Variants in PHIP observed in about 807,000 individuals in gnomAD.
The protein encoded by PHIP is PHIP subunit of CUL4-Ring ligase complex.
A neutral mutation model predicts 236.8 loss-of-function variants in PHIP; 54 were observed. The observed-to-expected ratio is 0.23, with a 90% CI of 0.18 to 0.29. The LOEUF is 0.29. Among genes scored for constraint, PHIP ranks in the 10% least tolerant of loss-of-function variants. The probability of loss-of-function intolerance (pLI) is 1.00; values close to 1 mark genes in which losing one functional copy is unlikely to be tolerated. For missense variants in PHIP, 1,370 were observed against 2,190.8 expected (o/e 0.63, Z 7.48); for synonymous variants, 756 against 718.9 (o/e 1.05, Z -0.83).
At chr6:79,028,307 C>G (rs558380263) in intron 7 of PHIP, among the ~76,000 whole-genome samples, 2 of 152,206 alleles carry the variant, frequency 1.3e-5, no homozygotes, top group East Asian at 3.9e-4. Flanking sequence ...TAAAGATCAT[C>G]CTGGCATCAG....
Position 78,998,239 on chromosome 6 carries a change from A to G in PHIP, c.2017+15T>C. ...AATTTTTAAATATTTCACTTAAAAT[A>G]GAATACCTGCTTACCTCTACTTAAA... On this transcript the variant is annotated intron_variant, in intron 18 of 39. Transcript: ENST00000275034. 1.3e-6 allele frequency: 2 copies of G among 1,598,608 alleles called. No individual in the cohort carries two copies. The highest frequency in any genetic ancestry group is 2.2e-5 in the South Asian group (2 of 90,598).
intron 31 of PHIP, among the ~76,000 whole-genome samples, chr6:78,959,493 G>A (rs1344206352): frequency 1.3e-5 from 2 of 152,152 alleles, no homozygotes; most frequent in East Asian, 3.9e-4. Context: ...GACAGTAATA[G>A]TTTAACAAGA....
In PHIP at chr6:78,998,319, T is replaced by C; in HGVS notation, c.1952A>G (p.Gln651Arg). 1 of 1,613,390 alleles carries C rather than the reference T, an allele frequency of 6.2e-7. No homozygotes were observed. The highest frequency in any genetic ancestry group is 8.5e-7 in the Non-Finnish European group (1 of 1,179,356). The change falls in exon 18 of 40, where the codon CAA becomes CGA. Residue 651 changes from glutamine to arginine, a missense_variant. By Grantham distance (43) the Gln-to-Arg change is conservative. Around this residue, in one of 14 missense-constraint regions of PHIP, gnomAD observed 133 missense variants for 245.2 expected, o/e 0.54. Transcript: ENST00000275034. The stretch of plus-strand genomic sequence containing the variant: ...AGAACGTCTCAGGTCTTGCTCCTGT[T>C]GTAGTCTTTGAATCATGCTGTCCAG... ...SPLDSMIQRL[Q>R]QEQDLRRSGE...
intron 24 of PHIP, among the ~76,000 whole-genome samples, chr6:78,974,400 AC>A (rs1247808103): frequency 6.6e-6 from 1 of 151,952 alleles, no homozygotes. Flanking sequence ...AATTTATAGC[AC>A]TAAATGCCCA....
At chr6:79,052,380 T>C (rs1358840243) in intron 6 of PHIP, among the ~76,000 whole-genome samples, 2 of 151,816 alleles carry the variant, frequency 1.3e-5, no homozygotes, top group Non-Finnish European at 2.9e-5. Context: ...GCACACAGAG[T>C]AGAGAAAGGG....
intron 23 of PHIP, among the ~76,000 whole-genome samples, chr6:78,979,173 T>C (rs1044433891): frequency 6.6e-6 from 1 of 152,100 alleles, no homozygotes; most frequent in Admixed American, 6.6e-5. Flanking sequence ...GAGAGATGAC[T>C]ATCCTTTAAG....
At chr6:78,988,116 C>T (rs1582174720) in intron 21 of PHIP, 93 bp downstream of exon 21, 11 of 930,468 alleles carry the variant, frequency 1.2e-5, no homozygotes, top group African/African-American at 3.4e-5. Context: ...TAAGCTACAT[C>T]TACAAACATA....
chr6:78,978,317 G>A (rs893637931), intron 24 of PHIP, among the ~76,000 whole-genome samples: 1 of 151,804 alleles, frequency 6.6e-6, no homozygotes, highest in Non-Finnish European at 1.5e-5. Context: ...AAAAGAAAAA[G>A]AAAGCTGGCA....
intron 15 of PHIP, among the ~76,000 whole-genome samples, chr6:79,009,460 T>C (rs1770462604): frequency 6.6e-6 from 1 of 152,068 alleles, no homozygotes; most frequent in South Asian, 2.1e-4. Context: ...CATCTTAAGA[T>C]ACAGCAACTG....
At chr6:78,987,658 T>C (rs1201986298) in intron 21 of PHIP, among the ~76,000 whole-genome samples, 1 of 152,106 alleles carries the variant, frequency 6.6e-6, no homozygotes, top group Non-Finnish European at 1.5e-5. Context: ...CTTAATAAGA[T>C]TGGTTTATGA....
intron 35 of PHIP, among the ~76,000 whole-genome samples, chr6:78,949,022 T>C (rs957168045): frequency 6.6e-6 from 1 of 152,200 alleles, no homozygotes; most frequent in South Asian, 2.1e-4. Flanking sequence ...CAGTACTACA[T>C]TGAATAGCAG....
rs1335729992 is a variant in PHIP at position 78,962,127 on chromosome 6, A to G, written c.3536-317T>C. Among the ~76,000 whole-genome samples the G allele has an allele frequency of 3.3e-5, 5 of 152,150 alleles. No homozygotes were observed. The South Asian group carries it at 6.2e-4, about 19-fold the overall frequency. ...TTGACAGTTGGCCATTCCTGAATCT[A>G]TATTTGGCAAAGCCATTCTATTATT... On this transcript the variant is annotated intron_variant, in intron 30 of 39. Coordinates refer to ENST00000275034, the MANE Select transcript of PHIP (RefSeq NM_017934.7).
At chr6:78,957,153 A>G (rs1285641850) in intron 32 of PHIP, 1 of 152,088 alleles carries the variant, frequency 6.6e-6, no homozygotes, top group Non-Finnish European at 1.5e-5. Context: ...ATTTCAAAGT[A>G]GCCGTTTGAA....
chr6:79,047,649 C>T (rs1041278272), intron 6 of PHIP, among the ~76,000 whole-genome samples: 1 of 152,030 alleles, frequency 6.6e-6, no homozygotes, highest in Admixed American at 6.6e-5. Context: ...GAAACATTTC[C>T]ATTTACCACA....
chr6:79,073,233 T>C (rs1335463273), intron 4 of PHIP, among the ~76,000 whole-genome samples: 7 of 152,204 alleles, frequency 4.6e-5, no homozygotes, highest in Non-Finnish European at 8.8e-5. Context: ...AGAATAATTC[T>C]ATATGTAAGA....
At chr6:78,946,441 A>G in intron 37 of PHIP, 181 bp from the exon 38 acceptor site, 1 of 1,406,414 alleles carries the variant, frequency 7.1e-7, no homozygotes, top group Non-Finnish European at 9.2e-7. Context: ...GGATCGCTGT[A>G]AATGCTAAAG....
In PHIP at chr6:78,940,877, C is replaced by A; in HGVS notation, c.5282G>T (p.Gly1761Val). 1 of 1,613,864 alleles carries A rather than the reference C, an allele frequency of 6.2e-7. No individual in the cohort carries two copies. Among genetic ancestry groups the A allele is most frequent in the Non-Finnish European group, 8.5e-7 (1 of 1,179,846 alleles). The change falls in exon 40 of 40, where the codon GGC becomes GTC. Residue 1761 changes from glycine to valine, a missense_variant. Physicochemically the swap from Gly to Val is moderately radical, Grantham distance 109. Coordinates refer to ENST00000275034, the MANE Select transcript of PHIP (RefSeq NM_017934.7). Reference sequence around the variant, plus strand: ...TCTAGTTCTCATGTGGGGTTCAGAGCCTTTGAGTTCTTCAAACTCTTCTTC... The same window carrying A: ...TCTAGTTCTCATGTGGGGTTCAGAGACTTTGAGTTCTTCAAACTCTTCTTC... ...DEEEEFEELKGSEPHMRTRNQ... is the reference protein window; with the variant it reads ...DEEEEFEELKVSEPHMRTRNQ...
intron 4 of PHIP, among the ~76,000 whole-genome samples, chr6:79,072,761 A>T (rs1206323834): frequency 6.6e-6 from 1 of 151,284 alleles, no homozygotes; most frequent in African/African-American, 2.4e-5. Context: ...CCACACCTGG[A>T]CTCTTCTGAA....
At chr6:79,014,781 A>G (rs964693379) in intron 15 of PHIP, among the ~76,000 whole-genome samples, 8 of 151,824 alleles carry the variant, frequency 5.3e-5, no homozygotes, top group African/African-American at 1.9e-4. Context: ...ATGGTTTTCC[A>G]AGTATTTTTT....
Sources: gnomAD v4.1 joint callset for allele counts (sites outside exome capture counted in the v4.1 genomes callset) on GRCh38, gnomAD v4.1.1 for gene constraint, gnomAD v4.1.1 regional missense constraint, MANE v1.5 for transcripts, NCBI Gene and HGNC (gene_info 2026-07-23, HGNC 2026-07-21) for gene names.